PDE1C: variants seen among roughly 807,000 people sequenced by gnomAD.
PDE1C encodes the protein dual specificity calcium/calmodulin-dependent 3',5'-cyclic nucleotide phosphodiesterase 1C.
Under a neutral mutation model 93.1 loss-of-function variants are expected in PDE1C, and 62 were observed. That is an observed-to-expected ratio of 0.67 (90% CI 0.54 to 0.82). The LOEUF (loss-of-function observed/expected upper bound fraction) is 0.82, where lower values mean the gene tolerates loss of function less well. Among genes scored for constraint, PDE1C ranks in the 40% least tolerant of loss-of-function variants. The pLI, the probability that PDE1C is intolerant of heterozygous loss-of-function variation, is 0.00. For missense variants in PDE1C, 742 were observed against 884.6 expected (o/e 0.84, Z 2.04); for synonymous variants, 325 against 310.1 (o/e 1.05, Z -0.50).
the PDE1C span, among the ~76,000 whole-genome samples, chr7:31,717,739 T>C: frequency 3.3e-5 from 5 of 152,212 alleles, no homozygotes; most frequent in African/African-American, 1.2e-4. Flanking sequence ...CTTTTATTCA[T>C]AGTAATGAAT....
chr7:31,635,620 C>T, the PDE1C span, among the ~76,000 whole-genome samples: 1 of 152,262 alleles, frequency 6.6e-6, no homozygotes, highest in East Asian at 1.9e-4. Context: ...TTTAGGGACC[C>T]TTTGTAGTTG....
intron 3 of PDE1C, among the ~76,000 whole-genome samples, chr7:32,101,930 T>A (rs1302899910): frequency 6.6e-6 from 1 of 151,422 alleles, no homozygotes; most frequent in East Asian, 1.9e-4. Context: ...GGCAATAGAG[T>A]GAGTGAGGGA....
At chr7:32,315,955 A>C (rs551282184) in intron 1 of PDE1C, among the ~76,000 whole-genome samples, 1 of 152,238 alleles carries the variant, frequency 6.6e-6, no homozygotes, top group South Asian at 2.1e-4. Flanking sequence ...AGATCGTGCC[A>C]TTGCACTCCA....
chr7:32,408,247 A>G (rs1785096995), intron 1 of PDE1C, among the ~76,000 whole-genome samples: 1 of 152,212 alleles, frequency 6.6e-6, no homozygotes, highest in African/African-American at 2.4e-5. Flanking sequence ...TAAAGCTTCC[A>G]TTAACTGCTA....
At chr7:31,745,924 C>T in the PDE1C span, among the ~76,000 whole-genome samples, 5 of 151,916 alleles carry the variant, frequency 3.3e-5, no homozygotes, top group Non-Finnish European at 5.9e-5. Context: ...GTATGGTGGG[C>T]GAGTAGGGGA....
intron 1 of PDE1C, among the ~76,000 whole-genome samples, chr7:32,267,378 G>C (rs62457473): frequency 6.6e-6 from 1 of 152,076 alleles, no homozygotes; most frequent in East Asian, 1.9e-4. Flanking sequence ...CAAACACCTC[G>C]GAAGGAATGG....
intron 2 of PDE1C, among the ~76,000 whole-genome samples, chr7:32,049,399 GTTGTTTTGTT>G (rs929781259): frequency 6.6e-6 from 1 of 152,036 alleles, no homozygotes; most frequent in Non-Finnish European, 1.5e-5. Context: ...TGTTGTTGTT[GTTGTTTTGTT>G]TTGTTTTGTT....
intron 3 of PDE1C, among the ~76,000 whole-genome samples, chr7:32,138,047 T>C (rs1197994814): frequency 6.6e-6 from 1 of 152,192 alleles, no homozygotes; most frequent in Non-Finnish European, 1.5e-5. Flanking sequence ...TTGTCAGTTA[T>C]CTCTGGCAAA....
intron 1 of PDE1C, among the ~76,000 whole-genome samples, chr7:32,357,299 A>G (rs944614757): frequency 2.0e-5 from 3 of 151,334 alleles, no homozygotes; most frequent in African/African-American, 7.3e-5. Flanking sequence ...GCACCACTGC[A>G]CTCCAACCTG....
At chr7:32,090,632 T>A (rs1207560109) in intron 3 of PDE1C, among the ~76,000 whole-genome samples, 1 of 152,188 alleles carries the variant, frequency 6.6e-6, no homozygotes, top group African/African-American at 2.4e-5. Flanking sequence ...ACGGTTTGGA[T>A]CAAGGATGGA....
chr7:31,713,891 T>A, the PDE1C span, among the ~76,000 whole-genome samples: 1 of 152,066 alleles, frequency 6.6e-6, no homozygotes, highest in Admixed American at 6.6e-5. Context: ...GGACCCTGGG[T>A]CTTTCCCACA....
chr7:32,398,572 A>G (rs528416589), intron 1 of PDE1C, among the ~76,000 whole-genome samples: 2 of 151,934 alleles, frequency 1.3e-5, no homozygotes, highest in South Asian at 4.2e-4. Context: ...TATTTTTAGT[A>G]GAGATGGGGT....
At chr7:31,725,434 G>A in the PDE1C span, among the ~76,000 whole-genome samples, 2 of 152,186 alleles carry the variant, frequency 1.3e-5, no homozygotes, top group African/African-American at 4.8e-5. Flanking sequence ...GCAGCTAAAT[G>A]GGGCATTTCT....
intron 1 of PDE1C, among the ~76,000 whole-genome samples, chr7:32,237,539 T>A (rs532549657): frequency 2.5e-4 from 38 of 151,620 alleles, no homozygotes; most frequent in African/African-American, 8.7e-4. Context: ...CTTACTGAAC[T>A]GTATGCCAAA....
At chr7:32,403,868 A>G (rs1785000545) in intron 1 of PDE1C, among the ~76,000 whole-genome samples, 1 of 152,116 alleles carries the variant, frequency 6.6e-6, no homozygotes, top group Non-Finnish European at 1.5e-5. Context: ...CAAAATATAG[A>G]AGATATCTTT....
chr7:31,907,072 T>TGTGTGTGTGC (rs1800693000), intron 2 of PDE1C, among the ~76,000 whole-genome samples: 6 of 85,822 alleles, frequency 7.0e-5, no homozygotes, highest in Admixed American at 5.3e-4. Flanking sequence ...ATATGTGGGG[T>TGTGTGTGTGC]GTGTGTGTGT....
intron 2 of PDE1C, among the ~76,000 whole-genome samples, chr7:31,890,449 A>T: frequency 6.6e-6 from 1 of 152,204 alleles, no homozygotes; most frequent in East Asian, 1.9e-4. Flanking sequence ...GGAAGGTTGC[A>T]ACCCATGCCT....
exon 1 of PDE1C, chr7:32,298,795 A>G: frequency 6.5e-7 from 1 of 1,535,498 alleles, no homozygotes; most frequent in East Asian, 2.5e-5. Flanking sequence ...GGTCCCCCCC[A>G]CGGCGGAGTG....
the PDE1C span, among the ~76,000 whole-genome samples, chr7:31,620,815 C>A: frequency 6.6e-6 from 1 of 152,010 alleles, no homozygotes; most frequent in Admixed American, 6.6e-5. Flanking sequence ...CTACAAGCTA[C>A]AGGAGGAAAT....
Sources: allele counts gnomAD v4.1 joint callset (sites outside exome capture counted in the v4.1 genomes callset), GRCh38; gene constraint gnomAD v4.1.1; transcripts MANE v1.5; gene names NCBI Gene and HGNC (gene_info 2026-07-23, HGNC 2026-07-21).